MLLT3: variants seen among roughly 807,000 people sequenced by gnomAD.
MLLT3 encodes protein AF-9.
MLLT3 carries 4 observed loss-of-function variants against 53.2 expected under a neutral mutation model. The ratio of observed to expected loss-of-function variants is 0.08; its 90% CI spans 0.04 to 0.17. The LOEUF (loss-of-function observed/expected upper bound fraction) is 0.17. MLLT3 is among the 10% of genes least tolerant of loss of function. MLLT3 has a pLI of 1.00. For missense variants in MLLT3, 569 were observed against 684.0 expected (o/e 0.83, Z 1.87); for synonymous variants, 283 against 230.6 (o/e 1.23, Z -2.06).
intron 2 of MLLT3, among the ~76,000 whole-genome samples, chr9:20,567,304 T>TAAAAAAAAA (rs35505450): frequency 2.3e-4 from 18 of 79,922 alleles, no homozygotes; most frequent in Middle Eastern, 6.1e-3. Flanking sequence ...CTATATTCAG[T>TAAAAAAAAA]AAAAAAAAAA....
At chr9:20,443,289 T>G (rs1382752351) in intron 4 of MLLT3, among the ~76,000 whole-genome samples, 2 of 152,160 alleles carry the variant, frequency 1.3e-5, no homozygotes, top group African/African-American at 4.8e-5. Context: ...CCAAAGATGC[T>G]TGCCTATTTT....
At chr9:20,483,038 T>C (rs1824704528) in intron 2 of MLLT3, among the ~76,000 whole-genome samples, 1 of 151,824 alleles carries the variant, frequency 6.6e-6, no homozygotes. Flanking sequence ...AAATGACAAG[T>C]GATTCTGGCT....
intron 7 of MLLT3, chr9:20,363,218 A>G: frequency 2.7e-6 from 1 of 367,814 alleles, no homozygotes; most frequent in Admixed American, 4.5e-5. Context: ...GCCACTTGGC[A>G]TACTTTTCCA....
chr9:20,614,137 G>A (rs1370799748), intron 2 of MLLT3, among the ~76,000 whole-genome samples: 1 of 152,158 alleles, frequency 6.6e-6, no homozygotes, highest in Non-Finnish European at 1.5e-5. Context: ...CCTCATGCCT[G>A]TAATCTCAGC....
chr9:20,563,435 C>T lies in MLLT3; in HGVS notation c.193+57219G>A, dbSNP rs976236298. On this transcript the variant is annotated intron_variant, in intron 2 of 10. Coordinates refer to ENST00000380338, the MANE Select transcript of MLLT3 (RefSeq NM_004529.4). ...ATTTGACAAATAATAATTGAAACAG[C>T]CTTTTCCTTTTCTTTTTGTTGACAG... 2.0e-5 allele frequency among the ~76,000 whole-genome samples: 3 copies of T among 152,130 alleles called. No homozygotes were observed. The East Asian group carries it at 5.8e-4, about 29-fold the overall frequency.
intron 2 of MLLT3, among the ~76,000 whole-genome samples, chr9:20,611,501 G>C (rs1455355212): frequency 6.6e-6 from 1 of 151,890 alleles, no homozygotes; most frequent in Non-Finnish European, 1.5e-5. Flanking sequence ...AAAAAATCTA[G>C]TTTTGACAAA....
At chr9:20,525,144 A>C (rs74759767) in intron 2 of MLLT3, among the ~76,000 whole-genome samples, 2 of 151,922 alleles carry the variant, frequency 1.3e-5, no homozygotes, top group Non-Finnish European at 2.9e-5. Flanking sequence ...AAAAAAAAAA[A>C]AACAGAGGCG....
chr9:20,498,775 T>C (rs918504997), intron 2 of MLLT3, among the ~76,000 whole-genome samples: 5 of 152,234 alleles, frequency 3.3e-5, no homozygotes, highest in South Asian at 2.1e-4. Context: ...GTCAGACATA[T>C]GTTAACAAAT....
At chr9:20,529,724 CTTTTTTTTTTTTT>C (rs5896896) in intron 2 of MLLT3, among the ~76,000 whole-genome samples, 2 of 76,418 alleles carry the variant, frequency 2.6e-5, no homozygotes, top group Admixed American at 3.6e-4. Flanking sequence ...TAATCCAATC[CTTTTTTTTTTTTT>C]TTTTTTTTTT....
Position 20,404,649 on chromosome 9 carries a change from C to T in MLLT3, c.1125+9072G>A, listed in dbSNP as rs146928389. Among the ~76,000 whole-genome samples the T allele has an allele frequency of 3.7e-4, 57 of 152,210 alleles. 1 individual carries two copies. In the East Asian group the frequency reaches 7.0e-3, roughly 19 times the overall value. On this transcript the variant is annotated intron_variant, in intron 5 of 10. Transcript: ENST00000380338. ...CGTCTCAAGTGGCTAGGAGTACAGG[C>T]GTGCACTACCACGCCCAGATAATTT...
intron 2 of MLLT3, among the ~76,000 whole-genome samples, chr9:20,493,425 G>C (rs1361549010): frequency 6.6e-6 from 1 of 151,912 alleles, no homozygotes; most frequent in Non-Finnish European, 1.5e-5. Context: ...CACTCAGGAA[G>C]GGTTAGTATT....
chr9:20,618,594 A>G (rs1169215314), intron 2 of MLLT3, among the ~76,000 whole-genome samples: 1 of 152,248 alleles, frequency 6.6e-6, no homozygotes, highest in African/African-American at 2.4e-5. Context: ...GAACCTCCAC[A>G]GTTGAGTATA....
At chr9:20,592,660 T>C (rs1230913459) in intron 2 of MLLT3, among the ~76,000 whole-genome samples, 2 of 152,232 alleles carry the variant, frequency 1.3e-5, no homozygotes, top group Admixed American at 6.5e-5. Flanking sequence ...ACATTATAAC[T>C]GGCTATAATT....
intron 2 of MLLT3, among the ~76,000 whole-genome samples, chr9:20,546,802 C>A (rs1042501007): frequency 6.6e-6 from 1 of 152,222 alleles, no homozygotes; most frequent in African/African-American, 2.4e-5. Context: ...TACAGGGGAT[C>A]GAGGCTCTTT....
intron 4 of MLLT3, among the ~76,000 whole-genome samples, chr9:20,434,631 A>G (rs559788828): frequency 1.2e-4 from 19 of 152,338 alleles, no homozygotes; most frequent in African/African-American, 3.6e-4. Flanking sequence ...GCCATCCTGA[A>G]AGGAACAAAG....
intron 4 of MLLT3, among the ~76,000 whole-genome samples, chr9:20,416,014 T>C (rs1312382971): frequency 1.3e-5 from 2 of 151,970 alleles, no homozygotes; most frequent in African/African-American, 4.8e-5. Context: ...TGCACTAAAT[T>C]AGATAATTCC....
intron 2 of MLLT3, among the ~76,000 whole-genome samples, chr9:20,475,325 C>T (rs1004913922): frequency 6.6e-6 from 1 of 152,046 alleles, no homozygotes; most frequent in Non-Finnish European, 1.5e-5. Flanking sequence ...CCTAAAAAGA[C>T]TTATCCCATC....
chr9:20,557,976 T>G (rs1245522430), intron 2 of MLLT3, among the ~76,000 whole-genome samples: 1 of 152,140 alleles, frequency 6.6e-6, no homozygotes, highest in African/African-American at 2.4e-5. Flanking sequence ...AAAAAATAAC[T>G]GGATAGACGA....
chr9:20,410,116 C>T (rs1175783453), intron 5 of MLLT3, among the ~76,000 whole-genome samples: 1 of 152,120 alleles, frequency 6.6e-6, no homozygotes, highest in Non-Finnish European at 1.5e-5. Flanking sequence ...AGACCATACA[C>T]CTTGTGACGA....
Sources: allele counts gnomAD v4.1 joint callset (sites outside exome capture counted in the v4.1 genomes callset), GRCh38; gene constraint gnomAD v4.1.1; transcripts MANE v1.5; gene names NCBI Gene and HGNC (gene_info 2026-07-23, HGNC 2026-07-21).